The following OSBP variants were observed in gnomAD, a reference collection of about 807,000 sequenced individuals.
The protein encoded by OSBP is oxysterol-binding protein 1.
A neutral mutation model predicts 96.6 loss-of-function variants in OSBP; 32 were observed. The ratio of observed to expected loss-of-function variants is 0.33; its 90% CI spans 0.25 to 0.45. The LOEUF (loss-of-function observed/expected upper bound fraction) is 0.45. OSBP is among the 20% of genes least tolerant of loss of function. The pLI, the probability that OSBP is intolerant of heterozygous loss-of-function variation, is 1.00. For missense variants in OSBP, 653 were observed against 1,029.7 expected (o/e 0.63, Z 5.01); for synonymous variants, 369 against 389.6 (o/e 0.95, Z 0.62).
intron 7 of OSBP, among the ~76,000 whole-genome samples, chr11:59,598,100 A>G (rs532114351): frequency 2.6e-5 from 4 of 152,326 alleles, no homozygotes; most frequent in African/African-American, 9.6e-5. Flanking sequence ...TCAGTCTCCC[A>G]AGTGTTGCGT....
chr11:59,577,993 T>C (rs1048766393), intron 12 of OSBP, among the ~76,000 whole-genome samples, 156 bp downstream of exon 12: 3 of 152,232 alleles, frequency 2.0e-5, no homozygotes, highest in Non-Finnish European at 4.4e-5. Context: ...AGTCAAATCA[T>C]ACAATGACAA....
intron 9 of OSBP, among the ~76,000 whole-genome samples, chr11:59,585,289 C>T (rs1371479153): frequency 1.3e-5 from 2 of 152,026 alleles, no homozygotes; most frequent in East Asian, 1.9e-4. Flanking sequence ...TGCCCTGCCG[C>T]CCCGGCTGGG....
chr11:59,592,799 CTTTT>C (rs11440698), intron 9 of OSBP, among the ~76,000 whole-genome samples: 1 of 141,598 alleles, frequency 7.1e-6, no homozygotes, highest in Non-Finnish European at 1.6e-5. Flanking sequence ...TGGGTTTTTC[CTTTT>C]TTTTTTTTTT....
At chr11:59,589,876 CGGAAGCTGAAGCA>C (rs917690104) in intron 9 of OSBP, among the ~76,000 whole-genome samples, 21 of 151,804 alleles carry the variant, frequency 1.4e-4, no homozygotes, top group African/African-American at 4.8e-4. Flanking sequence ...CCAGCTACTC[CGGAAGCTGAAGCA>C]GGAGAATCGC....
At chr11:59,584,840 A>G (rs1411266736) in intron 9 of OSBP, among the ~76,000 whole-genome samples, 1 of 152,174 alleles carries the variant, frequency 6.6e-6, no homozygotes, top group African/African-American at 2.4e-5. Context: ...ATGGAAAGAA[A>G]GAGATAAAAT....
At chr11:59,580,673 CTCCTT>C (rs1208562060) in intron 10 of OSBP, among the ~76,000 whole-genome samples, 1 of 151,660 alleles carries the variant, frequency 6.6e-6, no homozygotes, top group Non-Finnish European at 1.5e-5. Flanking sequence ...TTCATTTTCC[CTCCTT>C]TCTTTTTTTT....
chr11:59,578,443 C>G lies in OSBP; in HGVS notation c.1879-113G>C, dbSNP rs1194662026. On this transcript the variant is annotated intron_variant, in intron 11 of 13. Transcript: ENST00000263847. Reference sequence around the variant, plus strand: ...TGGTTAGGTCCTGTTATAACAAACACCAGAGAGTCATCCAAATTATTATTA... The same window carrying G: ...TGGTTAGGTCCTGTTATAACAAACAGCAGAGAGTCATCCAAATTATTATTA... The G allele has an allele frequency of 3.0e-6, 3 of 996,566 alleles. No individual in the cohort carries two copies. In the Admixed American group the frequency reaches 7.0e-5, roughly 23 times the overall value. The allele number at this position is 996,566 out of a possible 1,614,324, so 61.7% of individuals were successfully genotyped here.
At chr11:59,589,556 G>A (rs1468242329) in intron 9 of OSBP, among the ~76,000 whole-genome samples, 1 of 151,688 alleles carries the variant, frequency 6.6e-6, no homozygotes, top group East Asian at 2.0e-4. Flanking sequence ...AGCAGAGATT[G>A]CACCACTGCC....
At chr11:59,593,378 G>C in intron 9 of OSBP, 1 of 514,210 alleles carries the variant, frequency 1.9e-6, no homozygotes, top group Non-Finnish European at 3.5e-6. Flanking sequence ...GTTAAATATA[G>C]CTAAGAGGAT....
At chr11:59,583,660 T>TTC (rs1300357959) in intron 9 of OSBP, among the ~76,000 whole-genome samples, 2 of 129,142 alleles carry the variant, frequency 1.5e-5, no homozygotes, top group African/African-American at 3.7e-5. Flanking sequence ...TTTTTTTTTT[T>TTC]CGAGATGGAG....
intron 2 of OSBP, 95 bp from the exon 3 acceptor site, chr11:59,608,829 A>C: frequency 7.8e-5 from 96 of 1,228,392 alleles, no homozygotes; most frequent in Non-Finnish European, 1.0e-4. Context: ...AACATTCCTC[A>C]TGCTGTGTGC....
rs752669348 is a variant in OSBP at position 59,576,552 on chromosome 11, GCTC to G, written c.*22_*24del. ...TCCTCTGTCCTCTTCTCCATTATAT[GCTC>G]CTCTTTTTTGTTACTGCCGTTTCAG... On this transcript the variant is annotated 3_prime_UTR_variant, in exon 14 of 14. Transcript: ENST00000263847. 1 of 1,608,816 alleles carries G rather than the reference GCTC, an allele frequency of 6.2e-7. No individual in the cohort carries two copies. Among genetic ancestry groups the G allele is most frequent in the South Asian group, 1.1e-5 (1 of 90,166 alleles).
chr11:59,596,938 T>G (rs1450707420), intron 7 of OSBP, among the ~76,000 whole-genome samples: 1 of 151,958 alleles, frequency 6.6e-6, no homozygotes, highest in Non-Finnish European at 1.5e-5. Context: ...CAGCCTAGAG[T>G]AGGGGAAGGG....
In OSBP at chr11:59,578,194, T is replaced by C. The variant is rs144553266; in HGVS notation, c.2015A>G (p.Glu672Gly). The C allele has an allele frequency of 1.2e-6, 2 of 1,614,088 alleles. No individual in the cohort carries two copies. The highest frequency in any genetic ancestry group is 1.7e-6 in the Non-Finnish European group (2 of 1,180,042). ...CAGCATGACCCTGCTTTCCTCTGCTTCATGGCCTCTCTGTCGAGCATCACC... is the reference window on the plus strand; with the variant it reads ...CAGCATGACCCTGCTTTCCTCTGCTCCATGGCCTCTCTGTCGAGCATCACC... ...NGGDARQRGHEAEESRVMLWK... is the reference protein window; with the variant it reads ...NGGDARQRGHGAEESRVMLWK... Residue 672 changes from glutamate (E) to glycine (G), a missense_variant, in exon 12 of 14, where the codon GAA becomes GGA. Glu to Gly is a moderately conservative substitution (Grantham distance 98). Around this residue, in one of 6 missense-constraint regions of OSBP, gnomAD observed 169 missense variants for 251.5 expected, o/e 0.67. Coordinates refer to ENST00000263847, the MANE Select transcript of OSBP (RefSeq NM_002556.3).
At chr11:59,600,686 A>G in intron 6 of OSBP, 59 bp from the exon 7 acceptor site, 1 of 1,589,252 alleles carries the variant, frequency 6.3e-7, no homozygotes, top group Non-Finnish European at 8.5e-7. Flanking sequence ...TGGTATTTAT[A>G]ACCTTCCCTT....
chr11:59,588,985 A>G (rs978483443), intron 9 of OSBP, among the ~76,000 whole-genome samples: 1 of 152,198 alleles, frequency 6.6e-6, no homozygotes, highest in Non-Finnish European at 1.5e-5. Context: ...AGCCTGGGTG[A>G]CAGAGCGAGA....
rs1214101159 is a variant in OSBP at position 59,615,331 on chromosome 11, G to A, written c.334C>T (p.Leu112=). The A allele has an allele frequency of 5.0e-6, 8 of 1,606,348 alleles. No individual in the cohort carries two copies. The highest frequency in any genetic ancestry group is 4.5e-5 in the East Asian group (2 of 44,544). The change falls in exon 1 of 14, where the codon CTG becomes TTG. Residue 112 remains leucine, a synonymous_variant. Transcript: ENST00000263847. The part of the protein sequence containing the change: ...IKGYQRRWFV[L]SNGLLSYYRS... Reference sequence around the variant, plus strand: ...TAGTAGCTCAGGAGCCCGTTGCTCAGCACGAACCATCGCCGCTGGTAGCCT... The same window carrying A: ...TAGTAGCTCAGGAGCCCGTTGCTCAACACGAACCATCGCCGCTGGTAGCCT...
chr11:59,584,324 C>A (rs1238238109), intron 9 of OSBP, among the ~76,000 whole-genome samples: 2 of 152,084 alleles, frequency 1.3e-5, no homozygotes, highest in African/African-American at 2.4e-5. Context: ...AAGCCAAAGA[C>A]ACTATAAAAA....
intron 7 of OSBP, among the ~76,000 whole-genome samples, chr11:59,596,748 T>C (rs1860663977): frequency 6.6e-6 from 1 of 152,058 alleles, no homozygotes; most frequent in African/African-American, 2.4e-5. Flanking sequence ...GGGAGGCCTC[T>C]CCAGTGAAAA....
Sources: gnomAD v4.1 joint callset for allele counts (sites outside exome capture counted in the v4.1 genomes callset) on GRCh38, gnomAD v4.1.1 for gene constraint, gnomAD v4.1.1 regional missense constraint, MANE v1.5 for transcripts, NCBI Gene and HGNC (gene_info 2026-07-23, HGNC 2026-07-21) for gene names.